The following GLRX3 variants were observed in gnomAD, a reference collection of about 807,000 sequenced individuals.
GLRX3 encodes the protein glutaredoxin 3.
A neutral mutation model predicts 49.5 loss-of-function variants in GLRX3; 22 were observed. The observed-to-expected ratio is 0.44, with a 90% CI of 0.32 to 0.63. The LOEUF (loss-of-function observed/expected upper bound fraction) is 0.63, where lower values mean the gene tolerates loss of function less well. GLRX3 is among the 30% of genes least tolerant of loss of function. The probability of loss-of-function intolerance (pLI) is 0.05; values close to 1 mark genes in which losing one functional copy is unlikely to be tolerated. For synonymous variants in GLRX3, 133 were observed against 140.0 expected, an observed-to-expected ratio of 0.95 and a Z score of 0.35; for missense variants, 385 against 396.3, an observed-to-expected ratio of 0.97 and a Z score of 0.24.
intron 4 of GLRX3, among the ~76,000 whole-genome samples, chr10:130,161,853 A>G (rs1862582656): frequency 6.6e-6 from 1 of 152,252 alleles, no homozygotes; most frequent in Non-Finnish European, 1.5e-5. Context: ...CAGCATGTCC[A>G]GAGTGACTTT....
downstream of GLRX3, chr10:130,179,783 A>C: frequency 5.5e-6 from 1 of 180,416 alleles, no homozygotes. Flanking sequence ...ATTTAGGACA[A>C]CTCCTTTGCC....
In GLRX3 at chr10:130,162,696, C is replaced by T. The variant is rs756736975; in HGVS notation, c.478+1699C>T. ...TCTCAGTCTTTTCTGAATGATAAAC[C>T]TAATGAAAAGGCAGGTGGCAACACT... is the stretch of plus-strand genomic sequence containing the variant. On this transcript the variant is annotated intron_variant, in intron 4 of 10. Coordinates refer to ENST00000331244, the MANE Select transcript of GLRX3 (RefSeq NM_006541.5). Among the ~76,000 whole-genome samples, 23 of 152,168 alleles carry T rather than the reference C, an allele frequency of 1.5e-4. 1 individual carries two copies. The highest frequency in any genetic ancestry group is 2.9e-5 in the Non-Finnish European group (2 of 68,032).
intron 4 of GLRX3, among the ~76,000 whole-genome samples, chr10:130,165,846 A>G (rs1590069747): frequency 6.6e-6 from 1 of 152,348 alleles, no homozygotes; most frequent in East Asian, 1.9e-4. Flanking sequence ...ATTGATTCTC[A>G]TAGATTCATA....
chr10:130,153,912 A>C (rs1439970653), intron 2 of GLRX3, among the ~76,000 whole-genome samples: 1 of 152,168 alleles, frequency 6.6e-6, no homozygotes, highest in African/African-American at 2.4e-5. Flanking sequence ...GAATCTAGAG[A>C]GGCAGCAGGC....
chr10:130,154,572 T>C (rs1426925316), intron 2 of GLRX3, among the ~76,000 whole-genome samples: 1 of 152,184 alleles, frequency 6.6e-6, no homozygotes, highest in Non-Finnish European at 1.5e-5. Context: ...CTATTTTTTT[T>C]TTTTTAATAT....
chr10:130,175,707 C>T (rs540753885), intron 10 of GLRX3, among the ~76,000 whole-genome samples: 6 of 152,332 alleles, frequency 3.9e-5, no homozygotes, highest in African/African-American at 1.2e-4. Flanking sequence ...TTTAAATGGA[C>T]GTTACTTTGC....
At chr10:130,141,578 C>A (rs1177750415) in intron 1 of GLRX3, among the ~76,000 whole-genome samples, 5 of 152,102 alleles carry the variant, frequency 3.3e-5, no homozygotes. Flanking sequence ...TCATACAGTT[C>A]TTTGTCTGTG....
chr10:130,141,993 C>T (rs994976872), intron 1 of GLRX3, among the ~76,000 whole-genome samples: 4 of 152,172 alleles, frequency 2.6e-5, no homozygotes, highest in African/African-American at 9.6e-5. Context: ...GCTGAATGCA[C>T]AGGAGGAAGA....
intron 2 of GLRX3, among the ~76,000 whole-genome samples, chr10:130,146,491 G>C (rs764517528): frequency 2.0e-5 from 3 of 152,168 alleles, no homozygotes; most frequent in African/African-American, 4.8e-5. Context: ...TCTCTCTTGA[G>C]TGGATGAGTG....
intron 6 of GLRX3, 131 bp from the exon 7 acceptor site, chr10:130,169,302 T>G: frequency 1.6e-6 from 1 of 637,946 alleles, no homozygotes. Context: ...CGCATTTGCT[T>G]GTTTAATACC....
chr10:130,137,445 G>T (rs1862082032), intron 1 of GLRX3, among the ~76,000 whole-genome samples: 1 of 152,138 alleles, frequency 6.6e-6, no homozygotes, highest in South Asian at 2.1e-4. Context: ...TGTATTATTA[G>T]CGGTTGTTAT....
Position 130,171,451 on chromosome 10 carries a change from G to T in GLRX3, c.772-133G>T, listed in dbSNP as rs1026630084. The T allele has an allele frequency of 3.6e-5, 24 of 660,896 alleles. No individual in the cohort carries two copies. The South Asian group carries it at 4.0e-4, about 11-fold the overall frequency. The allele number at this position is 660,896 out of a possible 1,614,324, so 40.9% of individuals were successfully genotyped here. A position where few individuals can be genotyped will look rare whatever the true frequency, so the allele number is the denominator to read the frequency against. On this transcript the variant is annotated intron_variant, in intron 7 of 10. Coordinates refer to ENST00000331244, the MANE Select transcript of GLRX3 (RefSeq NM_006541.5). ...GTACTTGAAGAGGGGATGAGCAGAAGCTCTGGGAGCTGAGTGAAAGTAGTG... is the reference window on the plus strand; with the variant it reads ...GTACTTGAAGAGGGGATGAGCAGAATCTCTGGGAGCTGAGTGAAAGTAGTG...
chr10:130,152,182 C>A (rs1862390617), intron 2 of GLRX3, among the ~76,000 whole-genome samples: 1 of 152,064 alleles, frequency 6.6e-6, no homozygotes, highest in Non-Finnish European at 1.5e-5. Context: ...CCATACCCAG[C>A]TAATTTTTGT....
At chr10:130,178,852 C>G (rs757260213) in intron 10 of GLRX3, among the ~76,000 whole-genome samples, 17 of 151,554 alleles carry the variant, frequency 1.1e-4, no homozygotes, top group African/African-American at 3.9e-4. Context: ...TACAGGTGCC[C>G]GCCACCATGC....
Position 130,145,269 on chromosome 10 carries a change from G to A in GLRX3, c.151G>A (p.Glu51Lys), listed in dbSNP as rs188360612. 16 of 1,580,084 alleles carry A rather than the reference G, an allele frequency of 1.0e-5. No individual in the cohort carries two copies. In the East Asian group the frequency reaches 1.8e-4, roughly 18 times the overall value. The change falls in exon 2 of 11, where the codon GAA becomes AAA. Residue 51 changes from glutamate (E) to lysine (K), a missense_variant. Glu to Lys is a moderately conservative substitution (Grantham distance 56). Coordinates refer to ENST00000331244, the MANE Select transcript of GLRX3 (RefSeq NM_006541.5). ...GGCTCCACAGTGTGCACAGATGAAC[G>A]AAGTTATGGCAGAGTTAGCTAAAGA... ...PWAPQCAQMN[E>K]VMAELAKELP...
At chr10:130,156,412 T>C (rs918507811) in intron 2 of GLRX3, among the ~76,000 whole-genome samples, 1 of 152,198 alleles carries the variant, frequency 6.6e-6, no homozygotes, top group African/African-American at 2.4e-5. Context: ...TTCCAGCATA[T>C]GAATTTAGGA....
chr10:130,158,362 G>A (rs1309141394), intron 2 of GLRX3, among the ~76,000 whole-genome samples: 4 of 152,112 alleles, frequency 2.6e-5, no homozygotes, highest in Admixed American at 2.6e-4. Flanking sequence ...ACAGGCACCC[G>A]CCATCATGCC....
chr10:130,171,562 T>G, intron 7 of GLRX3, 22 bp from the exon 8 acceptor site: 1 of 1,403,564 alleles, frequency 7.1e-7, no homozygotes, highest in Non-Finnish European at 1.0e-6. Context: ...ATTGTAATCT[T>G]TGCAAATTTT....
intron 1 of GLRX3, 138 bp from the exon 2 acceptor site, chr10:130,145,073 A>G (rs1862245332): frequency 2.1e-5 from 10 of 487,108 alleles, no homozygotes; most frequent in Admixed American, 3.5e-5. Context: ...GTTGTATACA[A>G]CAAAATTCTA....
Sources: allele counts gnomAD v4.1 joint callset (sites outside exome capture counted in the v4.1 genomes callset), GRCh38; gene constraint gnomAD v4.1.1; transcripts MANE v1.5; gene names NCBI Gene and HGNC (gene_info 2026-07-23, HGNC 2026-07-21).